Variants in MYO1E observed in about 807,000 individuals in gnomAD.
MYO1E encodes the protein unconventional myosin-Ie.
MYO1E carries 68 observed loss-of-function variants against 151.1 expected under a neutral mutation model. The ratio of observed to expected loss-of-function variants is 0.45; its 90% CI spans 0.37 to 0.55. The LOEUF (loss-of-function observed/expected upper bound fraction) is 0.55. MYO1E is among the 20% of genes least tolerant of loss of function. The pLI is 0.00. For missense variants in MYO1E, 1,363 were observed against 1,389.3 expected (o/e 0.98, Z 0.30); for synonymous variants, 601 against 501.7 (o/e 1.20, Z -2.64).
chr15:59,314,061 G>A (rs1289847425), intron 1 of MYO1E, among the ~76,000 whole-genome samples: 1 of 152,156 alleles, frequency 6.6e-6, no homozygotes, highest in Non-Finnish European at 1.5e-5. Context: ...GATGATGGCC[G>A]GTGTTGCTTT....
chr15:59,147,735 T>C (rs1294807947), intron 26 of MYO1E, among the ~76,000 whole-genome samples: 1 of 152,118 alleles, frequency 6.6e-6, no homozygotes, highest in African/African-American at 2.4e-5. Context: ...TTACCATTAC[T>C]GCAGAACTCT....
chr15:59,303,609 C>CA (rs2080496703), intron 1 of MYO1E, among the ~76,000 whole-genome samples: 1 of 152,218 alleles, frequency 6.6e-6, no homozygotes, highest in East Asian at 1.9e-4. Context: ...AAGCAAGAGG[C>CA]AACAGTGCCT....
chr15:59,229,761 T>G (rs1248543871), intron 6 of MYO1E, among the ~76,000 whole-genome samples: 2 of 152,226 alleles, frequency 1.3e-5, no homozygotes, highest in African/African-American at 4.8e-5. Flanking sequence ...GTGAAATTAC[T>G]CATAATTCTA....
At chr15:59,353,520 G>A (rs775697973) in intron 1 of MYO1E, among the ~76,000 whole-genome samples, 1 of 151,876 alleles carries the variant, frequency 6.6e-6, no homozygotes, top group African/African-American at 2.4e-5. Flanking sequence ...ACTTTGGGAG[G>A]CTGAGGCGGG....
At chr15:59,234,262 G>GGATGGATAGA (rs1566987695) in intron 5 of MYO1E, among the ~76,000 whole-genome samples, 137 of 134,260 alleles carry the variant, frequency 1.0e-3, no homozygotes, top group African/African-American at 4.7e-3. Context: ...GGATGGATGG[G>GGATGGATAGA]TGCATGGATG....
Position 59,133,436 on chromosome 15 carries a change from G to A in MYO1E, c.*3944C>T, listed in dbSNP as rs2079355401. On this transcript the variant is annotated 3_prime_UTR_variant, in exon 28 of 28. Coordinates refer to ENST00000288235, the MANE Select transcript of MYO1E (RefSeq NM_004998.4). ...GATGGCTCCCCCAGGGAAGAACTGT[G>A]TGACCTTGGGCGACCTAGTGAACCA... The A allele has an allele frequency of 6.6e-6, 1 of 152,094 alleles. No individual in the cohort carries two copies. The highest frequency in any genetic ancestry group is 2.4e-5 in the African/African-American group (1 of 41,404). 9.4% of individuals were successfully genotyped at this position (152,094 alleles called of 1,614,324 possible).
chr15:59,207,546 T>C, intron 14 of MYO1E: 1 of 1,614,068 alleles, frequency 6.2e-7, no homozygotes, highest in Non-Finnish European at 8.5e-7. Context: ...TGAGTGCATT[T>C]CCCAAAAACC....
chr15:59,325,018 G>A, intron 1 of MYO1E, among the ~76,000 whole-genome samples: 1 of 147,136 alleles, frequency 6.8e-6, no homozygotes, highest in African/African-American at 2.5e-5. Flanking sequence ...CAATTTAAAT[G>A]AATTCAATTT....
intron 5 of MYO1E, among the ~76,000 whole-genome samples, chr15:59,234,483 T>A (rs1383585746): frequency 6.6e-6 from 1 of 152,110 alleles, no homozygotes; most frequent in African/African-American, 2.4e-5. Context: ...TGGCTCTACC[T>A]TAAGCTTTCT....
chr15:59,345,578 A>C (rs1335159200), intron 1 of MYO1E, among the ~76,000 whole-genome samples: 3 of 152,232 alleles, frequency 2.0e-5, no homozygotes, highest in Non-Finnish European at 4.4e-5. Flanking sequence ...TTGGCTTTTC[A>C]TCTGCTGTCA....
In MYO1E at chr15:59,134,870, G is replaced by C. The variant is rs183485866; in HGVS notation, c.*2510C>G. ...AATGGCAGGCCAGGCTAGATCCACA[G>C]ACTAGAGGAAACCCAGGTTAGTGTC... On this transcript the variant is annotated 3_prime_UTR_variant, in exon 28 of 28. Coordinates refer to ENST00000288235, the MANE Select transcript of MYO1E (RefSeq NM_004998.4). 2.1e-3 allele frequency: 315 copies of C among 152,196 alleles called. 2 individuals are homozygous for C. Among genetic ancestry groups the C allele is most frequent in the African/African-American group, 7.4e-3 (308 of 41,506 alleles). 9.4% of individuals were successfully genotyped at this position (152,196 alleles called of 1,614,324 possible).
intron 2 of MYO1E, chr15:59,266,853 G>A (rs1249227929): frequency 6.6e-6 from 1 of 150,990 alleles, no homozygotes; most frequent in Non-Finnish European, 1.5e-5. Context: ...AGTAGAGACG[G>A]AGTTTCACCT....
chr15:59,180,988 T>C (rs1250037021), intron 18 of MYO1E, among the ~76,000 whole-genome samples: 1 of 152,202 alleles, frequency 6.6e-6, no homozygotes, highest in African/African-American at 2.4e-5. Flanking sequence ...TGTTATCTCT[T>C]GGATCACTGA....
chr15:59,180,115 TATC>T (rs148129141), intron 18 of MYO1E, among the ~76,000 whole-genome samples: 2,623 of 152,346 alleles, frequency 0.017, 28 homozygotes, highest in Non-Finnish European at 0.026. Context: ...TGCCTGATAA[TATC>T]ATAAACTTCC....
At chr15:59,140,608 C>G (rs1021225597) in intron 26 of MYO1E, among the ~76,000 whole-genome samples, 1 of 152,216 alleles carries the variant, frequency 6.6e-6, no homozygotes, top group Non-Finnish European at 1.5e-5. Flanking sequence ...TTCCTGGGGC[C>G]TGAGTTCTGG....
chr15:59,299,662 G>T (rs66484811), intron 1 of MYO1E, among the ~76,000 whole-genome samples: 19,960 of 152,114 alleles, frequency 0.13, 1,832 homozygotes, highest in African/African-American at 0.26. Context: ...AATTCACTCC[G>T]AAGTGTGAAA....
intron 1 of MYO1E, among the ~76,000 whole-genome samples, chr15:59,321,747 A>G (rs1209975273): frequency 1.3e-5 from 2 of 152,170 alleles, no homozygotes; most frequent in Non-Finnish European, 2.9e-5. Context: ...CAAAAAATAC[A>G]AAAATTTGCC....
At chr15:59,219,261 A>C (rs1225944751) in intron 9 of MYO1E, among the ~76,000 whole-genome samples, 8 of 152,216 alleles carry the variant, frequency 5.3e-5, no homozygotes, top group Admixed American at 5.2e-4. Flanking sequence ...GTTCTCATAT[A>C]AATAAATGAC....
At chr15:59,336,523 G>A (rs1353922418) in intron 1 of MYO1E, among the ~76,000 whole-genome samples, 1 of 151,910 alleles carries the variant, frequency 6.6e-6, no homozygotes, top group Non-Finnish European at 1.5e-5. Flanking sequence ...TTGAATTTTG[G>A]ACATGTGTTG....
Sources: gnomAD v4.1 joint callset for allele counts (sites outside exome capture counted in the v4.1 genomes callset) on GRCh38, gnomAD v4.1.1 for gene constraint, MANE v1.5 for transcripts, NCBI Gene and HGNC (gene_info 2026-07-23, HGNC 2026-07-21) for gene names.